The following LCP1 variants were observed in gnomAD, a reference collection of about 807,000 sequenced individuals.
The protein encoded by LCP1 is lymphocyte cytosolic protein 1.
LCP1 carries 23 observed loss-of-function variants against 72.0 expected under a neutral mutation model. The observed-to-expected ratio is 0.32, with a 90% CI of 0.23 to 0.45. The LOEUF is 0.45. Ranked by LOEUF, LCP1 falls within the 20% of genes least tolerant of loss-of-function variation. The pLI is 1.00. For synonymous variants in LCP1, 245 were observed against 275.4 expected (o/e 0.89, Z 1.09); for missense variants, 571 against 748.3 (o/e 0.76, Z 2.76).
chr13:46,171,837 T>G (rs935329284), intron 1 of LCP1, among the ~76,000 whole-genome samples: 1 of 152,282 alleles, frequency 6.6e-6, no homozygotes, highest in Non-Finnish European at 1.5e-5. Flanking sequence ...ATACGCAATT[T>G]TCTTCAATAC....
Position 46,147,100 on chromosome 13 carries a change from T to C in LCP1, c.982A>G (p.Lys328Glu). The change falls in exon 10 of 16, where the codon AAG becomes GAG. Residue 328 changes from lysine (K) to glutamate (E), a missense_variant. Physicochemically the swap from Lys to Glu is moderately conservative, Grantham distance 56. Coordinates refer to ENST00000323076, the MANE Select transcript of LCP1 (RefSeq NM_002298.5). ...VVIDMSGLRE[K>E]DDIQRAECML... ...CATTCTGCCCTCTGGATGTCATCCT[T>C]CTCCTGCAATGCAAAAGGATGTCTC... The C allele has an allele frequency of 6.3e-7, 1 of 1,578,948 alleles. No individual in the cohort carries two copies. The highest frequency in any genetic ancestry group is 1.2e-5 in the South Asian group (1 of 85,642).
chr13:46,144,626 A>C, intron 10 of LCP1, 106 bp from the exon 11 acceptor site: 1 of 759,620 alleles, frequency 1.3e-6, no homozygotes, highest in South Asian at 1.5e-5. Context: ...AGTAGAATGA[A>C]AGAAAGAAAT....
chr13:46,142,460 T>C (rs763744031), intron 12 of LCP1, 35 bp from the exon 13 acceptor site: 1 of 1,602,072 alleles, frequency 6.2e-7, no homozygotes, highest in South Asian at 1.1e-5. Context: ...TTTAACGTCA[T>C]CATCTTGATT....
intron 10 of LCP1, 50 bp from the exon 11 acceptor site, chr13:46,144,570 T>C (rs2045718719): frequency 7.7e-7 from 1 of 1,300,182 alleles, no homozygotes; most frequent in Admixed American, 1.7e-5. Context: ...AAACATAGCT[T>C]TTTTATGACC....
chr13:46,165,490 T>C (rs6561300), intron 1 of LCP1, among the ~76,000 whole-genome samples: 5,035 of 152,284 alleles, frequency 0.033, 312 homozygotes, highest in African/African-American at 0.11. Flanking sequence ...TGGTGATGGC[T>C]TTAGTTTGCA....
chr13:46,162,099 C>T (rs1043628032), intron 1 of LCP1, among the ~76,000 whole-genome samples: 9 of 152,158 alleles, frequency 5.9e-5, no homozygotes, highest in Non-Finnish European at 1.3e-4. Flanking sequence ...GATCTCAAAT[C>T]ACTCAGCTGG....
intron 13 of LCP1, among the ~76,000 whole-genome samples, chr13:46,139,118 G>T (rs1475887447): frequency 6.6e-6 from 1 of 152,186 alleles, no homozygotes; most frequent in Non-Finnish European, 1.5e-5. Context: ...AATAAAGATA[G>T]CTTGGAAATA....
chr13:46,130,810 G>C lies in LCP1; in HGVS notation c.1751+4C>G. On this transcript the variant is annotated splice_donor_region_variant and intron_variant, in intron 15 of 15. Coordinates refer to ENST00000323076, the MANE Select transcript of LCP1 (RefSeq NM_002298.5). ...CAATCTGAGGTTTATTTTTATTTAC[G>C]TACTTTGCATTGTTGAGTTTCTCAT... 2 of 1,612,398 alleles carry C rather than the reference G, an allele frequency of 1.2e-6. No homozygotes were observed. Among genetic ancestry groups the C allele is most frequent in the Non-Finnish European group, 1.7e-6 (2 of 1,179,430 alleles).
At position 46,168,792 on chromosome 13, in the gene LCP1, G is replaced by A. The variant is rs570609248; in HGVS notation, c.-24-9106C>T. Among the ~76,000 whole-genome samples, 7 of 152,286 alleles carry A rather than the reference G, an allele frequency of 4.6e-5. No individual in the cohort carries two copies. The East Asian group carries it at 9.6e-4, about 21-fold the overall frequency. On this transcript the variant is annotated intron_variant, in intron 1 of 15. Transcript: ENST00000323076. ...TTGTAACCTAAATCTTTTCTGATAC[G>A]ATTGAAGGTCTCTCTTGGGCTATTC...
intron 6 of LCP1, 70 bp from the exon 7 acceptor site, chr13:46,153,015 A>T (rs958580739): frequency 7.1e-7 from 1 of 1,414,016 alleles, no homozygotes; most frequent in Non-Finnish European, 9.6e-7. Flanking sequence ...CGATGGCAAC[A>T]GTAACAATGT....
chr13:46,132,663 A>T (rs2045641130), intron 14 of LCP1, among the ~76,000 whole-genome samples: 1 of 152,034 alleles, frequency 6.6e-6, no homozygotes, highest in Non-Finnish European at 1.5e-5. Flanking sequence ...CGCCTTTCCA[A>T]ATCTCTTTCT....
At position 46,128,053 on chromosome 13, in the gene LCP1, C is replaced by G. The variant is rs189710690; in HGVS notation, c.1752-330G>C. On this transcript the variant is annotated intron_variant, in intron 15 of 15. Coordinates refer to ENST00000323076, the MANE Select transcript of LCP1 (RefSeq NM_002298.5). Reference sequence around the variant, plus strand: ...CAGGGGTCTCACTATGTTGCCCAGGCTGGGCTTGAACTCCTGGCCTCAAGA... The same window carrying G: ...CAGGGGTCTCACTATGTTGCCCAGGGTGGGCTTGAACTCCTGGCCTCAAGA... Among the ~76,000 whole-genome samples, 79 of 144,654 alleles carry G rather than the reference C, an allele frequency of 5.5e-4. 1 individual carries two copies. In the East Asian group the frequency reaches 0.014, roughly 26 times the overall value. 94.9% of individuals were successfully genotyped at this position (144,654 alleles called of 152,430 possible).
At chr13:46,179,888 A>C (rs1357228405) in intron 1 of LCP1, among the ~76,000 whole-genome samples, 1 of 152,218 alleles carries the variant, frequency 6.6e-6, no homozygotes, top group African/African-American at 2.4e-5. Context: ...ATAGTTCTTC[A>C]GCCCATTATT....
At chr13:46,150,677 T>C (rs2045758104) in intron 8 of LCP1, among the ~76,000 whole-genome samples, 1 of 152,294 alleles carries the variant, frequency 6.6e-6, no homozygotes, top group Admixed American at 6.5e-5. Flanking sequence ...GCTCTTCCTC[T>C]AGCTCACCTT....
At chr13:46,159,902 C>T (rs2045827562) in intron 1 of LCP1, among the ~76,000 whole-genome samples, 1 of 152,216 alleles carries the variant, frequency 6.6e-6, no homozygotes, top group African/African-American at 2.4e-5. Flanking sequence ...TCTTCCCTCT[C>T]GGTCTATACA....
At chr13:46,176,954 C>G (rs1415036445) in intron 1 of LCP1, among the ~76,000 whole-genome samples, 1 of 151,844 alleles carries the variant, frequency 6.6e-6, no homozygotes, top group East Asian at 1.9e-4. Flanking sequence ...GTCCATGTAA[C>G]AGATGCTGAA....
At chr13:46,129,037 AAT>A (rs2045618510) in intron 15 of LCP1, among the ~76,000 whole-genome samples, 1 of 152,200 alleles carries the variant, frequency 6.6e-6, no homozygotes, top group Admixed American at 6.5e-5. Context: ...TCTCTCTCTC[AAT>A]AACTTCTTCC....
chr13:46,152,282 A>G (rs2045773444), intron 7 of LCP1, among the ~76,000 whole-genome samples: 2 of 152,142 alleles, frequency 1.3e-5, no homozygotes, highest in Admixed American at 1.3e-4. Context: ...ATTATTAACT[A>G]TAGCCCTCGT....
At chr13:46,145,037 T>A (rs2045721408) in intron 10 of LCP1, among the ~76,000 whole-genome samples, 1 of 152,018 alleles carries the variant, frequency 6.6e-6, no homozygotes, top group Non-Finnish European at 1.5e-5. Context: ...TAAATATGCA[T>A]ACAAAGGGAG....
Sources: allele counts gnomAD v4.1 joint callset (sites outside exome capture counted in the v4.1 genomes callset), GRCh38; gene constraint gnomAD v4.1.1; transcripts MANE v1.5; gene names NCBI Gene and HGNC (gene_info 2026-07-23, HGNC 2026-07-21).